The following MINDY4 variants were observed in gnomAD, a reference collection of about 807,000 sequenced individuals.
MINDY4 encodes probable ubiquitin carboxyl-terminal hydrolase MINDY-4.
In MINDY4, 68 loss-of-function variants were observed where a neutral mutation model predicts 87.0. The ratio of observed to expected loss-of-function variants is 0.78; its 90% CI spans 0.64 to 0.96. The LOEUF (loss-of-function observed/expected upper bound fraction) is 0.96. Ranked by LOEUF, MINDY4 falls within the 40% of genes least tolerant of loss-of-function variation. The probability of loss-of-function intolerance (pLI) is 0.00; values close to 1 mark genes in which losing one functional copy is unlikely to be tolerated. For missense variants in MINDY4, 919 were observed against 928.2 expected (o/e 0.99, Z 0.13); for synonymous variants, 379 against 363.2 (o/e 1.04, Z -0.50).
At chr7:30,795,356 A>C (rs1320678320) in intron 5 of MINDY4, among the ~76,000 whole-genome samples, 1 of 152,198 alleles carries the variant, frequency 6.6e-6, no homozygotes, top group Non-Finnish European at 1.5e-5. Flanking sequence ...TAGGAATTCA[A>C]CCCACAGCAG....
chr7:30,871,067 C>G (rs1418934633), intron 13 of MINDY4, among the ~76,000 whole-genome samples: 2 of 151,706 alleles, frequency 1.3e-5, no homozygotes, highest in Non-Finnish European at 2.9e-5. Flanking sequence ...TGTGTACCCC[C>G]AAGGGCTGCA....
chr7:30,864,933 G>A (rs911186118), intron 13 of MINDY4, among the ~76,000 whole-genome samples: 2 of 152,246 alleles, frequency 1.3e-5, no homozygotes, highest in African/African-American at 4.8e-5. Flanking sequence ...AATCACGGGG[G>A]TGGGTGGTTC....
At chr7:30,866,339 C>G in intron 13 of MINDY4, among the ~76,000 whole-genome samples, 1 of 152,198 alleles carries the variant, frequency 6.6e-6, no homozygotes, top group East Asian at 1.9e-4. Context: ...GTCTCCTGTG[C>G]CAGACCAGCC....
intron 13 of MINDY4, among the ~76,000 whole-genome samples, chr7:30,864,622 G>A (rs1260111904): frequency 6.6e-6 from 1 of 152,246 alleles, no homozygotes; most frequent in Non-Finnish European, 1.5e-5. Flanking sequence ...TGGGTGCTGG[G>A]TGCCATTCCT....
chr7:30,831,211 T>C (rs1466351963), intron 6 of MINDY4, among the ~76,000 whole-genome samples: 4 of 152,208 alleles, frequency 2.6e-5, no homozygotes, highest in Non-Finnish European at 5.9e-5. Context: ...TCACCTGTTA[T>C]AGGAAGTTTC....
intron 15 of MINDY4, among the ~76,000 whole-genome samples, chr7:30,878,194 C>A (rs1790338074): frequency 6.6e-6 from 1 of 152,108 alleles, no homozygotes; most frequent in Admixed American, 6.5e-5. Flanking sequence ...TTTGGAACAG[C>A]CTGGGCCATG....
chr7:30,882,103 G>A (rs1790481427), intron 15 of MINDY4, 78 bp from the exon 16 acceptor site: 2 of 1,409,312 alleles, frequency 1.4e-6, no homozygotes, highest in African/African-American at 1.4e-5. Flanking sequence ...GGTCAGCCCT[G>A]CCTTGAGTCA....
intron 13 of MINDY4, among the ~76,000 whole-genome samples, chr7:30,862,909 T>C (rs1314487144): frequency 6.6e-6 from 1 of 152,202 alleles, no homozygotes; most frequent in East Asian, 1.9e-4. Context: ...CAAATAAGCT[T>C]TATTTTCAAG....
At chr7:30,772,735 G>A (rs1403622228) in intron 1 of MINDY4, among the ~76,000 whole-genome samples, 1 of 152,018 alleles carries the variant, frequency 6.6e-6, no homozygotes, top group Non-Finnish European at 1.5e-5. Context: ...TGTCTTTATG[G>A]CTAATTGACC....
chr7:30,772,309 A>G (rs140676813), intron 1 of MINDY4, among the ~76,000 whole-genome samples: 140 of 152,212 alleles, frequency 9.2e-4, no homozygotes, highest in African/African-American at 3.3e-3. Flanking sequence ...GGCGATGGGT[A>G]CTTGTCTTGT....
intron 1 of MINDY4, among the ~76,000 whole-genome samples, chr7:30,774,083 C>T (rs943743264): frequency 6.6e-6 from 1 of 152,214 alleles, no homozygotes; most frequent in African/African-American, 2.4e-5. Flanking sequence ...GGCCACTCAC[C>T]CTTGTGGTGC....
At chr7:30,782,269 T>G in intron 3 of MINDY4, 57 bp downstream of exon 3, 1 of 1,336,714 alleles carries the variant, frequency 7.5e-7, no homozygotes, top group Non-Finnish European at 1.0e-6. Context: ...AACAAATTAC[T>G]ATGTACTTCA....
chr7:30,841,188 G>A (rs139134362), intron 9 of MINDY4, among the ~76,000 whole-genome samples: 4 of 152,192 alleles, frequency 2.6e-5, no homozygotes, highest in African/African-American at 7.2e-5. Context: ...GACTGCGTCC[G>A]GGCCTCCCTT....
intron 2 of MINDY4, chr7:30,780,191 T>C (rs954218034): frequency 6.6e-6 from 1 of 152,198 alleles, no homozygotes; most frequent in Non-Finnish European, 1.5e-5. Flanking sequence ...CTAAGTCCTG[T>C]GGAAAGACTG....
Position 30,882,175 on chromosome 7 carries a change from A to T in MINDY4, c.1972-6A>T. Reference sequence around the variant, plus strand: ...GCATTTCACATCAGGCCTCTCCCTCATCCAGGTTGGCTGCTTCCTGAAGAC... The same window carrying T: ...GCATTTCACATCAGGCCTCTCCCTCTTCCAGGTTGGCTGCTTCCTGAAGAC... On this transcript the variant is annotated splice_polypyrimidine_tract_variant and splice_region_variant and intron_variant, in intron 15 of 17. Transcript: ENST00000265299. The T allele has an allele frequency of 6.2e-7, 1 of 1,601,988 alleles. No homozygotes were observed.
intron 12 of MINDY4, among the ~76,000 whole-genome samples, chr7:30,854,899 C>T (rs1038772262): frequency 6.6e-6 from 1 of 152,212 alleles, no homozygotes; most frequent in African/African-American, 2.4e-5. Flanking sequence ...GGGGAGAGGC[C>T]TCAGGGCCTG....
At chr7:30,851,493 A>C (rs1255333305) in intron 10 of MINDY4, among the ~76,000 whole-genome samples, 1 of 152,230 alleles carries the variant, frequency 6.6e-6, no homozygotes, top group African/African-American at 2.4e-5. Context: ...ATAATTGCGA[A>C]GTGCTTAGGA....
rs142599519 is a variant in MINDY4, at chr7:30,823,035, A to G, written c.1074-5644A>G. Among the ~76,000 whole-genome samples, 459 of 152,194 alleles carry G rather than the reference A, an allele frequency of 3.0e-3. 3 individuals carry two copies. The highest frequency in any genetic ancestry group is 0.01 in the African/African-American group (428 of 41,508). ...TATTCTAGATTTGTTGGTTTGTTTC[A>G]TTATTAGGTTTACATTAAGCATTTT... On this transcript the variant is annotated intron_variant, in intron 5 of 17. Transcript: ENST00000265299.
In MINDY4 at chr7:30,791,430, C is replaced by G. The variant is rs1262918498; in HGVS notation, c.929C>G (p.Ser310Cys). The change falls in exon 5 of 18, where the codon TCC becomes TGC. Residue 310 changes from serine to cysteine, a missense_variant. Physicochemically the swap from Ser to Cys is moderately radical, Grantham distance 112. Coordinates refer to ENST00000265299, the MANE Select transcript of MINDY4 (RefSeq NM_032222.3). ...PWDRARPRDP[S>C]EDTPAVDGST... is the part of the protein sequence containing the mutation. ...GACAGGGCCAGGCCGAGGGATCCCT[C>G]CGAGGACACCCCAGCAGTGGACGGC... 11 of 1,614,134 alleles carry G rather than the reference C, an allele frequency of 6.8e-6. No individual in the cohort carries two copies. Among genetic ancestry groups the G allele is most frequent in the Admixed American group, 1.7e-5 (1 of 60,030 alleles).
Sources: allele counts gnomAD v4.1 joint callset (sites outside exome capture counted in the v4.1 genomes callset), GRCh38; gene constraint gnomAD v4.1.1; transcripts MANE v1.5; gene names NCBI Gene and HGNC (gene_info 2026-07-23, HGNC 2026-07-21).